ANK1: variants seen among roughly 807,000 people sequenced by gnomAD.
ANK1 encodes ankyrin 1.
A neutral mutation model predicts 210.4 loss-of-function variants in ANK1; 51 were observed. That is an observed-to-expected ratio of 0.24 (90% confidence interval 0.19 to 0.31). ANK1 has a LOEUF of 0.31. Among genes scored for constraint, ANK1 ranks in the 10% least tolerant of loss-of-function variants. The pLI, the probability that ANK1 is intolerant of heterozygous loss-of-function variation, is 1.00. For synonymous variants in ANK1, 967 were observed against 1,025.9 expected, an observed-to-expected ratio of 0.94 and a Z score of 1.10; for missense variants, 2,051 against 2,504.4, an observed-to-expected ratio of 0.82 and a Z score of 3.86.
intron 13 of ANK1, 36 bp downstream of exon 13, chr8:41,716,917 A>G: frequency 6.2e-7 from 1 of 1,600,390 alleles, no homozygotes; most frequent in Non-Finnish European, 8.6e-7. Context: ...AACTGCTCAC[A>G]TCTGAAACCC....
chr8:41,798,363 C>A (rs1318457973), upstream of ANK1, among the ~76,000 whole-genome samples: 1 of 152,150 alleles, frequency 6.6e-6, no homozygotes, highest in Non-Finnish European at 1.5e-5. Flanking sequence ...AAAATAACAA[C>A]GTTCCTGGGA....
At chr8:41,785,478 G>A (rs1054485328) in intron 1 of ANK1, among the ~76,000 whole-genome samples, 2 of 152,182 alleles carry the variant, frequency 1.3e-5, no homozygotes, top group African/African-American at 2.4e-5. Context: ...GTCTAGCTAC[G>A]GAGAGGTGAG....
At chr8:41,854,878 T>C (rs780787572) in intron 1 of ANK1, among the ~76,000 whole-genome samples, 8 of 151,732 alleles carry the variant, frequency 5.3e-5, no homozygotes, top group African/African-American at 1.7e-4. Flanking sequence ...TGAGCCCGAG[T>C]TGGAGGCTGC....
chr8:41,827,879 CAT>C (rs1309327380), intron 1 of ANK1, among the ~76,000 whole-genome samples: 9 of 151,778 alleles, frequency 5.9e-5, no homozygotes, highest in African/African-American at 1.2e-4. Flanking sequence ...ACCCCACACA[CAT>C]GCTCACGCCC....
chr8:41,714,083 C>A (rs1826924938), intron 16 of ANK1, 73 bp downstream of exon 16: 2 of 1,115,102 alleles, frequency 1.8e-6, no homozygotes, highest in Non-Finnish European at 1.2e-6. Flanking sequence ...GTGGAAACCC[C>A]CCTCCCTGAG....
At chr8:41,716,699 A>G (rs1827773952) in intron 13 of ANK1, among the ~76,000 whole-genome samples, 1 of 152,226 alleles carries the variant, frequency 6.6e-6, no homozygotes, top group Admixed American at 6.5e-5. Flanking sequence ...TCGTTAGCCC[A>G]GGACATACTC....
chr8:41,812,493 T>C (rs761756946), intron 1 of ANK1, among the ~76,000 whole-genome samples: 4 of 152,184 alleles, frequency 2.6e-5, no homozygotes, highest in Non-Finnish European at 4.4e-5. Context: ...GCTATGCAGA[T>C]AAAAAGTAAA....
rs763068171 is a variant in ANK1 at position 41,758,132 on chromosome 8, A to G, written c.33T>C (p.Asp11=). 3.7e-6 allele frequency: 6 copies of G among 1,613,596 alleles called. No individual in the cohort carries two copies. The highest frequency in any genetic ancestry group is 1.3e-5 in the African/African-American group (1 of 74,924). Residue 11 remains aspartate, a synonymous_variant, in exon 2 of 43, where the codon GAT becomes GAC. Coordinates refer to ENST00000289734, the MANE Select transcript of ANK1 (RefSeq NM_000037.4). ...CTGCTCTCAGAAAGCTGGTAGCAGC[A>G]TCGGCCTGTGAGGAAAAACAACAGG... MPYSVGFREA[D]AATSFLRAAR...
Position 41,681,180 on chromosome 8 carries a change from C to T in ANK1, c.4537+3364G>A, listed in dbSNP as rs79074004. On this transcript the variant is annotated intron_variant, in intron 37 of 42. Coordinates refer to ENST00000289734, the MANE Select transcript of ANK1 (RefSeq NM_000037.4). ...CTAGACAAGGCCACACTTCACTAGC[C>T]ACAGTTGTGAAGAATTGAGGGAAAT... Among the ~76,000 whole-genome samples the T allele has an allele frequency of 4.4e-3, 667 of 152,264 alleles. 6 individuals are homozygous for T. The highest frequency in any genetic ancestry group is 0.015 in the African/African-American group (642 of 41,558).
intron 1 of ANK1, among the ~76,000 whole-genome samples, chr8:41,875,758 T>G (rs1816444126): frequency 6.6e-6 from 1 of 152,168 alleles, no homozygotes; most frequent in Non-Finnish European, 1.5e-5. Flanking sequence ...TTAACACCAC[T>G]GCACTGTGGG....
At chr8:41,686,423 G>C in intron 35 of ANK1, 140 bp from the exon 36 acceptor site, 1 of 1,047,630 alleles carries the variant, frequency 9.5e-7, no homozygotes, top group South Asian at 1.3e-5. Flanking sequence ...GCCTCCCTGT[G>C]GGTTTGGTCT....
At chr8:41,696,106 T>G (rs1820852860) in intron 26 of ANK1, among the ~76,000 whole-genome samples, 1 of 152,168 alleles carries the variant, frequency 6.6e-6, no homozygotes, top group Admixed American at 6.5e-5. Context: ...TCCAGGCTGG[T>G]CTCGAACTCC....
intron 38 of ANK1, among the ~76,000 whole-genome samples, chr8:41,670,418 G>C (rs768187997): frequency 4.7e-4 from 71 of 152,030 alleles, no homozygotes; most frequent in Non-Finnish European, 9.0e-4. Context: ...ACACTGCTGC[G>C]GTAATGCAGG....
intron 2 of ANK1, among the ~76,000 whole-genome samples, chr8:41,738,857 G>C (rs918176999): frequency 1.3e-5 from 2 of 152,194 alleles, no homozygotes; most frequent in African/African-American, 4.8e-5. Context: ...CTGTTAAAGG[G>C]GATTGGAGGT....
intron 1 of ANK1, among the ~76,000 whole-genome samples, chr8:41,758,530 C>T (rs182760403): frequency 6.6e-6 from 1 of 151,484 alleles, no homozygotes; most frequent in Non-Finnish European, 1.5e-5. Context: ...TTTATAGAGA[C>T]AGGGCATCAC....
chr8:41,785,740 C>T (rs1048464712), intron 1 of ANK1, among the ~76,000 whole-genome samples: 3 of 152,322 alleles, frequency 2.0e-5, no homozygotes, highest in East Asian at 1.9e-4. Flanking sequence ...ATTGATCTTG[C>T]GGTCTCCAGG....
intron 22 of ANK1, chr8:41,700,445 T>G: frequency 6.2e-7 from 1 of 1,613,832 alleles, no homozygotes; most frequent in East Asian, 2.2e-5. Flanking sequence ...TATAGTTATA[T>G]GAGCAGTTCC....
intron 1 of ANK1, among the ~76,000 whole-genome samples, chr8:41,879,001 T>C (rs1223222503): frequency 1.3e-5 from 2 of 152,024 alleles, no homozygotes; most frequent in African/African-American, 2.4e-5. Flanking sequence ...GAGGTGGAAG[T>C]TGCAGTGAGC....
chr8:41,744,702 T>A (rs1835658304), intron 2 of ANK1, among the ~76,000 whole-genome samples: 1 of 152,078 alleles, frequency 6.6e-6, no homozygotes, highest in African/African-American at 2.4e-5. Flanking sequence ...GCCCAGCTAA[T>A]TTTTTTATAT....
Sources: allele counts gnomAD v4.1 joint callset (sites outside exome capture counted in the v4.1 genomes callset), GRCh38; gene constraint gnomAD v4.1.1; transcripts MANE v1.5; gene names NCBI Gene and HGNC (gene_info 2026-07-23, HGNC 2026-07-21).